The following XPO5 variants were observed in gnomAD, a reference collection of about 807,000 sequenced individuals.
XPO5 encodes exportin 5.
XPO5 carries 46 observed loss-of-function variants against 160.6 expected under a neutral mutation model. The ratio of observed to expected loss-of-function variants is 0.29; its 90% CI spans 0.23 to 0.37. The LOEUF (loss-of-function observed/expected upper bound fraction) is 0.37, where lower values mean the gene tolerates loss of function less well. XPO5 is among the 10% of genes least tolerant of loss of function. XPO5 has a pLI of 1.00. For synonymous variants in XPO5, 537 were observed against 519.3 expected (o/e 1.03, Z -0.46); for missense variants, 1,090 against 1,463.9 (o/e 0.74, Z 4.17).
chr6:43,563,119 C>T (rs1762496487), intron 8 of XPO5, among the ~76,000 whole-genome samples: 1 of 151,948 alleles, frequency 6.6e-6, no homozygotes, highest in African/African-American at 2.4e-5. Context: ...TCAAGAAATG[C>T]TTTAATATTT....
chr6:43,531,807 T>TC (rs920406631), intron 21 of XPO5, among the ~76,000 whole-genome samples: 10 of 151,374 alleles, frequency 6.6e-5, no homozygotes, highest in African/African-American at 2.2e-4. Context: ...CTTTTTTTTT[T>TC]CCCCCAGATG....
At chr6:43,556,377 T>C (rs889614334) in intron 12 of XPO5, among the ~76,000 whole-genome samples, 1 of 151,842 alleles carries the variant, frequency 6.6e-6, no homozygotes, top group Non-Finnish European at 1.5e-5. Context: ...ATACAAAAAG[T>C]AGCCAGGTGT....
chr6:43,541,781 CT>C (rs1554134075), intron 20 of XPO5, among the ~76,000 whole-genome samples: 1 of 152,268 alleles, frequency 6.6e-6, no homozygotes, highest in African/African-American at 2.4e-5. Flanking sequence ...TCCAATACTT[CT>C]TTTTTTCTTT....
chr6:43,526,216 T>G, intron 27 of XPO5: 1 of 435,140 alleles, frequency 2.3e-6, no homozygotes, highest in Non-Finnish European at 4.2e-6. Flanking sequence ...GACACTGATT[T>G]AGTTACTGGG....
intron 13 of XPO5, chr6:43,554,967 G>T (rs1761974994): frequency 7.2e-6 from 1 of 138,850 alleles, no homozygotes. Context: ...TTGAGATGGA[G>T]TTTTGCTCTC....
At chr6:43,549,402 TTTTC>T (rs1224273047) in intron 17 of XPO5, 83 bp downstream of exon 17, 14 of 1,339,524 alleles carry the variant, frequency 1.0e-5, no homozygotes, top group African/African-American at 1.5e-5. Context: ...GTTTCTAGTT[TTTTC>T]TTTATGTGAG....
intron 20 of XPO5, among the ~76,000 whole-genome samples, chr6:43,541,058 G>A (rs1226563234): frequency 6.6e-6 from 1 of 152,036 alleles, no homozygotes; most frequent in Non-Finnish European, 1.5e-5. Context: ...TAAACAATTC[G>A]ACTCATGGAC....
At chr6:43,551,556 T>TAAAAG in intron 14 of XPO5, 103 bp from the exon 15 acceptor site, 1 of 1,423,790 alleles carries the variant, frequency 7.0e-7, no homozygotes, top group Non-Finnish European at 9.7e-7. Flanking sequence ...AGGGTCTCAT[T>TAAAAG]CTGTCACCTA....
chr6:43,542,820 A>G (rs1441742936), intron 20 of XPO5, among the ~76,000 whole-genome samples: 1 of 152,222 alleles, frequency 6.6e-6, no homozygotes, highest in Non-Finnish European at 1.5e-5. Context: ...CATCTATAAA[A>G]ACAGAAAATA....
chr6:43,543,802 G>A (rs996625016), intron 20 of XPO5, among the ~76,000 whole-genome samples: 3 of 151,620 alleles, frequency 2.0e-5, no homozygotes, highest in Admixed American at 6.6e-5. Flanking sequence ...TCAGCCTCCC[G>A]AGTAGCTGGG....
At chr6:43,549,614 TTAATA>T (rs1795132040) in intron 16 of XPO5, 36 bp from the exon 17 acceptor site, 1 of 1,603,100 alleles carries the variant, frequency 6.2e-7, no homozygotes, top group Non-Finnish European at 8.5e-7. Flanking sequence ...GGAGCTGCTT[TTAATA>T]TAATATACAG....
rs1428876674 is a variant in XPO5 at position 43,524,828 on chromosome 6, C to A, written c.3312+3G>T. 5 of 1,608,958 alleles carry A rather than the reference C, an allele frequency of 3.1e-6. No individual in the cohort carries two copies. The highest frequency in any genetic ancestry group is 4.2e-6 in the Non-Finnish European group (5 of 1,178,884). The stretch of plus-strand genomic sequence containing the variant: ...ATCCTTCCCCCATGCCTTCCCCACT[C>A]ACCAGTGCCTCGTATATCTGGAAGG... On this transcript the variant is annotated splice_donor_region_variant and intron_variant, in intron 30 of 31. Coordinates refer to ENST00000265351, the MANE Select transcript of XPO5 (RefSeq NM_020750.3).
intron 20 of XPO5, 25 bp downstream of exon 20, chr6:43,546,546 G>A: frequency 6.3e-7 from 1 of 1,585,964 alleles, no homozygotes. Flanking sequence ...GAAAACAACA[G>A]AGAAAAGCCA....
In XPO5 at chr6:43,530,190, G is replaced by C. The variant is rs112230351; in HGVS notation, c.2677+498C>G. Among the ~76,000 whole-genome samples the C allele has an allele frequency of 5.5e-3, 833 of 152,228 alleles. 9 individuals carry two copies. The highest frequency in any genetic ancestry group is 0.019 in the African/African-American group (773 of 41,530). On this transcript the variant is annotated intron_variant, in intron 23 of 31. Coordinates refer to ENST00000265351, the MANE Select transcript of XPO5 (RefSeq NM_020750.3). ...ATGAATCACTTGAACCCAGGAGGTG[G>C]AAGTTGCAGTAAGACAAGATCATGC...
Position 43,553,260 on chromosome 6 carries a change from C to T in XPO5, c.1572+113G>A, listed in dbSNP as rs1795337565. 6 of 1,321,936 alleles carry T rather than the reference C, an allele frequency of 4.5e-6. No individual in the cohort carries two copies. The East Asian group carries it at 1.6e-4, about 36-fold the overall frequency. The allele number at this position is 1,321,936 out of a possible 1,614,324, so 81.9% of individuals were successfully genotyped here. ...GAGGTTACAGAGAGCTATGATTGTG[C>T]CACTGCATTTCAGCCTGAGCAACAG... On this transcript the variant is annotated intron_variant, in intron 14 of 31. Transcript: ENST00000265351.
At chr6:43,575,280 G>C (rs1428875205) in intron 1 of XPO5, among the ~76,000 whole-genome samples, 4 of 152,204 alleles carry the variant, frequency 2.6e-5, no homozygotes, top group South Asian at 2.1e-4. Context: ...AAGCATATAA[G>C]CATAAGGGTA....
rs755270020 is a variant in XPO5 at position 43,523,970 on chromosome 6, G to A, written c.3513C>T (p.His1171=). ...TGAAAAGTGAGGGAAGATTCTTAAT[G>A]TGAACTTCTTTTCGGAACTGCTCTC... The part of the protein sequence containing the change: ...PLGEQFRKEV[H]IKNLPSLFKK... The change falls in exon 32 of 32, where the codon CAC becomes CAT. Residue 1171 remains histidine, a synonymous_variant. Transcript: ENST00000265351. The A allele has an allele frequency of 1.2e-5, 20 of 1,613,886 alleles. No homozygotes were observed. The highest frequency in any genetic ancestry group is 1.5e-5 in the Non-Finnish European group (18 of 1,179,896).
intron 1 of XPO5, among the ~76,000 whole-genome samples, chr6:43,575,483 G>A (rs770211133): frequency 1.3e-5 from 2 of 152,214 alleles, no homozygotes; most frequent in East Asian, 1.9e-4. Flanking sequence ...GTGCACAGAA[G>A]CGAGGAAAGG....
At position 43,523,757 on chromosome 6, in the gene XPO5, G is replaced by A; in HGVS notation, c.*111C>T. On this transcript the variant is annotated 3_prime_UTR_variant, in exon 32 of 32. Coordinates refer to ENST00000265351, the MANE Select transcript of XPO5 (RefSeq NM_020750.3). ...GCTCCAGACCTGGATCTCTTTCCAGGCTGACAGTGGTGGAAAGTGAGGTGG... is the reference window on the plus strand; with the variant it reads ...GCTCCAGACCTGGATCTCTTTCCAGACTGACAGTGGTGGAAAGTGAGGTGG... 6.4e-7 allele frequency: 1 copy of A among 1,554,306 alleles called. No homozygotes were observed. Among genetic ancestry groups the A allele is most frequent in the Admixed American group, 1.7e-5 (1 of 59,932 alleles).
Sources: gnomAD v4.1 joint callset for allele counts (sites outside exome capture counted in the v4.1 genomes callset) on GRCh38, gnomAD v4.1.1 for gene constraint, MANE v1.5 for transcripts, NCBI Gene and HGNC (gene_info 2026-07-23, HGNC 2026-07-21) for gene names.